The following NEK1 variants were observed in gnomAD, a reference collection of about 807,000 sequenced individuals.
NEK1 encodes NIMA related kinase 1.
NEK1 carries 137 observed loss-of-function variants against 182.1 expected under a neutral mutation model. The ratio of observed to expected loss-of-function variants is 0.75; its 90% CI spans 0.65 to 0.87. The LOEUF (loss-of-function observed/expected upper bound fraction) is 0.87, where lower values mean the gene tolerates loss of function less well. Among genes scored for constraint, NEK1 ranks in the 40% least tolerant of loss-of-function variants. The pLI, the probability that NEK1 is intolerant of heterozygous loss-of-function variation, is 0.00. For synonymous variants in NEK1, 513 were observed against 492.2 expected, an observed-to-expected ratio of 1.04 and a Z score of -0.56; for missense variants, 1,391 against 1,494.4, an observed-to-expected ratio of 0.93 and a Z score of 1.14.
chr4:169,607,744 T>A (rs1333756521), intron 2 of NEK1, among the ~76,000 whole-genome samples: 1 of 152,142 alleles, frequency 6.6e-6, no homozygotes, highest in Non-Finnish European at 1.5e-5. Context: ...ATGACAGGTG[T>A]GAGCCACCGC....
intron 27 of NEK1, among the ~76,000 whole-genome samples, chr4:169,440,606 G>C (rs1223129419): frequency 2.0e-5 from 3 of 152,150 alleles, no homozygotes; most frequent in Non-Finnish European, 4.4e-5. Flanking sequence ...CAAAGGGATG[G>C]GGAACCTCTG....
intron 27 of NEK1, among the ~76,000 whole-genome samples, chr4:169,446,466 A>C (rs1034763619): frequency 9.2e-5 from 14 of 152,252 alleles, no homozygotes; most frequent in Middle Eastern, 3.4e-3. Context: ...TCCCAAAATA[A>C]CTACAATAAA....
intron 32 of NEK1, 39 bp from the exon 33 acceptor site, chr4:169,401,899 C>A (rs1230078336): frequency 6.6e-7 from 1 of 1,515,444 alleles, no homozygotes; most frequent in Non-Finnish European, 8.9e-7. Flanking sequence ...TTCAAACATA[C>A]TGAAATTTAC....
chr4:169,516,410 G>A (rs1156923881), intron 19 of NEK1, among the ~76,000 whole-genome samples: 1 of 122,698 alleles, frequency 8.2e-6, no homozygotes. Context: ...TTAGGCCTTT[G>A]TCAGATGAGT....
chr4:169,448,304 A>G (rs1029458119), intron 27 of NEK1, among the ~76,000 whole-genome samples: 3 of 152,122 alleles, frequency 2.0e-5, no homozygotes, highest in Non-Finnish European at 4.4e-5. Context: ...AAAGTGAGGG[A>G]CAAAGTTAGA....
At chr4:169,513,966 G>T (rs1201996982) in intron 19 of NEK1, among the ~76,000 whole-genome samples, 2 of 144,542 alleles carry the variant, frequency 1.4e-5, no homozygotes, top group South Asian at 2.2e-4. Context: ...GAGGATTTTT[G>T]TTATTTATTT....
chr4:169,547,783 C>G (rs922670526), intron 18 of NEK1, among the ~76,000 whole-genome samples: 5 of 152,134 alleles, frequency 3.3e-5, no homozygotes, highest in African/African-American at 1.2e-4. Context: ...CTTGTGTATG[C>G]TTCACGAAGT....
intron 23 of NEK1, among the ~76,000 whole-genome samples, chr4:169,506,064 C>A (rs1753201296): frequency 1.4e-5 from 2 of 143,160 alleles, no homozygotes; most frequent in African/African-American, 2.6e-5. Context: ...TAATACTAAT[C>A]AAAATTACAA....
At chr4:169,412,076 T>C (rs1035152823) in intron 31 of NEK1, among the ~76,000 whole-genome samples, 8 of 152,226 alleles carry the variant, frequency 5.3e-5, no homozygotes, top group Non-Finnish European at 1.2e-4. Context: ...AGGATTTTTG[T>C]CTGTTTTCCT....
intron 19 of NEK1, among the ~76,000 whole-genome samples, chr4:169,529,036 A>G (rs958576663): frequency 6.6e-6 from 1 of 152,232 alleles, no homozygotes; most frequent in Non-Finnish European, 1.5e-5. Flanking sequence ...GCCAAAGACG[A>G]TATCTCAAGA....
chr4:169,438,013 T>C, intron 28 of NEK1, 70 bp downstream of exon 28: 1 of 1,192,850 alleles, frequency 8.4e-7, no homozygotes. Context: ...TGATAATCTG[T>C]TTATAAAGCT....
intron 19 of NEK1, among the ~76,000 whole-genome samples, chr4:169,515,547 A>T (rs1755058363): frequency 7.0e-6 from 1 of 142,754 alleles, no homozygotes; most frequent in Non-Finnish European, 1.5e-5. Flanking sequence ...ACATGTGCAC[A>T]TTGTGCAGGT....
chr4:169,420,805 AC>A (rs1162244687), intron 31 of NEK1, among the ~76,000 whole-genome samples: 3 of 152,314 alleles, frequency 2.0e-5, no homozygotes, highest in Admixed American at 1.3e-4. Flanking sequence ...TAAAAAGGGA[AC>A]AAAAAAGTGA....
chr4:169,445,607 T>C (rs1314528701), intron 27 of NEK1, among the ~76,000 whole-genome samples: 1 of 151,698 alleles, frequency 6.6e-6, no homozygotes, highest in Non-Finnish European at 1.5e-5. Context: ...CACTTATAAG[T>C]GGAACCTAAA....
chr4:169,596,475 C>T (rs1486515148), intron 5 of NEK1, among the ~76,000 whole-genome samples: 2 of 152,166 alleles, frequency 1.3e-5, no homozygotes, highest in Non-Finnish European at 2.9e-5. Context: ...ACTGGTACAT[C>T]TTTAAAATAT....
At chr4:169,545,969 T>C (rs1483600977) in intron 18 of NEK1, among the ~76,000 whole-genome samples, 1 of 152,180 alleles carries the variant, frequency 6.6e-6, no homozygotes, top group Non-Finnish European at 1.5e-5. Context: ...GTAGGAAGAA[T>C]CAATATCGTG....
At chr4:169,501,081 A>T (rs1347304098) in intron 23 of NEK1, among the ~76,000 whole-genome samples, 1 of 152,226 alleles carries the variant, frequency 6.6e-6, no homozygotes, top group African/African-American at 2.4e-5. Flanking sequence ...AATTTAAAAC[A>T]AAAAAGATCA....
At chr4:169,552,330 G>A (rs1269572314) in intron 18 of NEK1, among the ~76,000 whole-genome samples, 1 of 142,522 alleles carries the variant, frequency 7.0e-6, no homozygotes, top group Non-Finnish European at 1.5e-5. Flanking sequence ...ATAAGCTAAA[G>A]AAGAAAAATC....
Position 169,545,210 on chromosome 4 carries a change from C to G in NEK1, c.1563-7299G>C, listed in dbSNP as rs1423176764. Among the ~76,000 whole-genome samples, 243 of 126,800 alleles carry G rather than the reference C, an allele frequency of 1.9e-3. 3 individuals are homozygous for G. The highest frequency in any genetic ancestry group is 6.8e-3 in the African/African-American group (231 of 34,168). 83.2% of individuals were successfully genotyped at this position (126,800 alleles called of 152,430 possible). On this transcript the variant is annotated intron_variant, in intron 18 of 35. Transcript: ENST00000507142. ...CAATGCTATCCCTCCCCCCTCCCCC[C>G]ACCCCACCACAGTCCCCAGAGTGTG...
Sources: gnomAD v4.1 joint callset for allele counts (sites outside exome capture counted in the v4.1 genomes callset) on GRCh38, gnomAD v4.1.1 for gene constraint, MANE v1.5 for transcripts, NCBI Gene and HGNC (gene_info 2026-07-23, HGNC 2026-07-21) for gene names.